The following USP50 variants were observed in gnomAD, a reference collection of about 807,000 sequenced individuals.
USP50 encodes the protein ubiquitin carboxyl-terminal hydrolase 50.
In USP50, 37 loss-of-function variants were observed where a neutral mutation model predicts 39.2. The ratio of observed to expected loss-of-function variants is 0.94; its 90% confidence interval spans 0.73 to 1.24. The LOEUF (loss-of-function observed/expected upper bound fraction) is 1.24, where lower values mean the gene tolerates loss of function less well. Ranked by LOEUF, USP50 falls within the 50% of genes most tolerant of loss-of-function variation. The pLI is 0.00. For synonymous variants in USP50, 139 were observed against 144.5 expected, an observed-to-expected ratio of 0.96 and a Z score of 0.27; for missense variants, 374 against 398.2, an observed-to-expected ratio of 0.94 and a Z score of 0.52.
intron 6 of USP50, among the ~76,000 whole-genome samples, chr15:50,523,965 T>C (rs7166885): frequency 0.19 from 28,583 of 152,136 alleles, 2,949 homozygotes; most frequent in Admixed American, 0.29. Context: ...GATGGAATGC[T>C]CAGAAATAAA....
chr15:50,493,223 T>C (rs904577614), downstream of USP50: 11 of 508,740 alleles, frequency 2.2e-5, no homozygotes, highest in African/African-American at 2.1e-4. Context: ...CATGGCCTTA[T>C]CACCTCTTTA....
At chr15:50,498,837 C>A, downstream of USP50, 1 of 1,549,234 alleles carries the variant, frequency 6.5e-7, no homozygotes. Context: ...AGCTTTGAAA[C>A]TATTGGCGTA....
chr15:50,521,272 C>T (rs1206764833), intron 6 of USP50, among the ~76,000 whole-genome samples: 1 of 152,082 alleles, frequency 6.6e-6, no homozygotes, highest in Non-Finnish European at 1.5e-5. Context: ...GAACTCCTGA[C>T]CTCAGGTGAT....
chr15:50,545,665 ATGTG>A (rs2053065648), intron 1 of USP50, among the ~76,000 whole-genome samples: 1 of 151,902 alleles, frequency 6.6e-6, no homozygotes, highest in Non-Finnish European at 1.5e-5. Context: ...ATATGTGTAT[ATGTG>A]TATGTATATA....
rs1257048367 is a variant in USP50, at chr15:50,533,051, A to G, written c.804-3122T>C. Among the ~76,000 whole-genome samples the G allele has an allele frequency of 3.3e-5, 5 of 152,092 alleles. No homozygotes were observed. In the East Asian group the frequency reaches 9.7e-4, roughly 29 times the overall value. On this transcript the variant is annotated intron_variant, in intron 5 of 6. Transcript: ENST00000532404. ...GTCAGGCGCAGTGGCTCACGCCTGT[A>G]TCCCAGCGCTTTGGGAGACCAAGGT...
chr15:50,509,354 G>T (rs939531058), intron 6 of USP50: 3 of 149,494 alleles, frequency 2.0e-5, no homozygotes, highest in East Asian at 4.1e-4. Flanking sequence ...AAGATTTAGA[G>T]AATAAGAGAC....
intron 6 of USP50, chr15:50,507,013 T>TG (rs1195324149): frequency 7.2e-6 from 1 of 138,196 alleles, no homozygotes; most frequent in East Asian, 2.1e-4. Flanking sequence ...CCAAGTGTGG[T>TG]GGCTCATGCC....
chr15:50,501,126 A>G, intron 6 of USP50: 1 of 317,268 alleles, frequency 3.2e-6, no homozygotes, highest in Non-Finnish European at 6.1e-6. Context: ...AGCACTTAAT[A>G]TACATCAACT....
downstream of USP50, chr15:50,497,770 A>G (rs1595995478): frequency 6.6e-6 from 1 of 152,214 alleles, no homozygotes; most frequent in Non-Finnish European, 1.5e-5. Flanking sequence ...TGGTCTTCAC[A>G]TAATCACATA....
chr15:50,524,741 AC>A (rs1290718564), intron 6 of USP50, among the ~76,000 whole-genome samples: 1 of 152,200 alleles, frequency 6.6e-6, no homozygotes, highest in Non-Finnish European at 1.5e-5. Flanking sequence ...AGGTGTGGTA[AC>A]ACATGCCTGT....
At chr15:50,503,110 G>C (rs1461867114) in intron 6 of USP50, 2 of 152,380 alleles carry the variant, frequency 1.3e-5, no homozygotes, top group East Asian at 1.9e-4. Flanking sequence ...CACTTTGGGA[G>C]GCTGAGGCAG....
In USP50 at chr15:50,546,557, A is replaced by G. The variant is rs1317861824; in HGVS notation, c.-32T>C. 3 of 1,611,462 alleles carry G rather than the reference A, an allele frequency of 1.9e-6. No individual in the cohort carries two copies. Among genetic ancestry groups the G allele is most frequent in the Non-Finnish European group, 1.7e-6 (2 of 1,177,884 alleles). On this transcript the variant is annotated 5_prime_UTR_variant, in exon 1 of 7. An upstream open reading frame in the 5' UTR loses its in-frame stop. Coordinates refer to ENST00000532404, the MANE Select transcript of USP50 (RefSeq NM_203494.5). ...GGAACCACGTTGGACTTTTGCTTCT[A>G]TTCAGGAGCTACATCTATTCCTTTC... is the stretch of plus-strand genomic sequence containing the variant.
chr15:50,515,670 A>T (rs968697135), intron 6 of USP50, among the ~76,000 whole-genome samples: 3 of 145,256 alleles, frequency 2.1e-5, no homozygotes, highest in Non-Finnish European at 3.0e-5. Context: ...ATATATATAT[A>T]TATTTAAACA....
chr15:50,498,889 CTTG>C, downstream of USP50: 1 of 1,567,880 alleles, frequency 6.4e-7, no homozygotes, highest in Non-Finnish European at 8.6e-7. Context: ...TTTTTTCTAT[CTTG>C]TTTGGCACAG....
At chr15:50,538,272 T>G (rs2052998391) in intron 5 of USP50, among the ~76,000 whole-genome samples, 1 of 27,776 alleles carries the variant, frequency 3.6e-5, no homozygotes, top group Non-Finnish European at 5.5e-5. Flanking sequence ...TGAGACTGTC[T>G]CAAAAAAAAA....
chr15:50,504,718 G>C (rs917586425), intron 6 of USP50: 1 of 152,302 alleles, frequency 6.6e-6, no homozygotes, highest in Non-Finnish European at 1.5e-5. Flanking sequence ...GGTGGCTCAT[G>C]CCTGTAATCC....
chr15:50,537,313 C>T (rs980410226), intron 5 of USP50, among the ~76,000 whole-genome samples: 1 of 151,816 alleles, frequency 6.6e-6, no homozygotes, highest in Non-Finnish European at 1.5e-5. Flanking sequence ...AAATGGATCA[C>T]AGACCAAAAT....
chr15:50,544,798 T>TG lies in USP50; in HGVS notation c.54-18dup. 6.2e-7 allele frequency: 1 copy of TG among 1,606,954 alleles called. No individual in the cohort carries two copies. Among genetic ancestry groups the TG allele is most frequent in the Non-Finnish European group, 8.5e-7 (1 of 1,175,486 alleles). ...CACTCTGCACTGTGTTGGTGCCACA[T>TG]GGGAAGAAAGGGTTTTGAGAGAACA... On this transcript the variant is annotated splice_polypyrimidine_tract_variant and intron_variant, in intron 1 of 6. Coordinates refer to ENST00000532404, the MANE Select transcript of USP50 (RefSeq NM_203494.5).
intron 5 of USP50, among the ~76,000 whole-genome samples, chr15:50,535,642 A>C (rs2052973618): frequency 6.6e-6 from 1 of 152,188 alleles, no homozygotes; most frequent in African/African-American, 2.4e-5. Context: ...GGCTGGGCAC[A>C]GTGGCTCACG....
Sources: allele counts gnomAD v4.1 joint callset (sites outside exome capture counted in the v4.1 genomes callset), GRCh38; gene constraint gnomAD v4.1.1; transcripts MANE v1.5; gene names NCBI Gene and HGNC (gene_info 2026-07-23, HGNC 2026-07-21).